The following GOLT1A variants were observed in gnomAD, a reference collection of about 807,000 sequenced individuals.
GOLT1A encodes golgi transport 1A.
GOLT1A carries 10 observed loss-of-function variants against 16.1 expected under a neutral mutation model. The ratio of observed to expected loss-of-function variants is 0.62; its 90% confidence interval spans 0.38 to 1.05. GOLT1A has a LOEUF of 1.05. GOLT1A is among the 50% of genes least tolerant of loss of function. The pLI is 0.01. For synonymous variants in GOLT1A, 60 were observed against 67.9 expected (o/e 0.88, Z 0.57); for missense variants, 137 against 165.7 (o/e 0.83, Z 0.95).
intron 1 of GOLT1A, among the ~76,000 whole-genome samples, chr1:204,203,759 G>A (rs957591915): frequency 1.3e-5 from 2 of 151,474 alleles, no homozygotes; most frequent in African/African-American, 2.4e-5. Flanking sequence ...CAGTTCTGCC[G>A]AGGTTGGACC....
At chr1:204,201,834 T>A in intron 2 of GOLT1A, 23 bp from the exon 3 acceptor site, 2 of 1,610,092 alleles carry the variant, frequency 1.2e-6, no homozygotes, top group African/African-American at 1.3e-5. Context: ...GAGGGGAGCA[T>A]GAAGCAAACC....
At position 204,210,454 on chromosome 1, in the gene GOLT1A, G is replaced by A. The variant is rs115115805; in HGVS notation, c.25+3428C>T. Among the ~76,000 whole-genome samples the A allele has an allele frequency of 4.1e-3, 628 of 152,246 alleles. 4 individuals are homozygous for A. The highest frequency in any genetic ancestry group is 6.6e-3 in the Non-Finnish European group (450 of 68,026). The stretch of plus-strand genomic sequence containing the variant: ...AATTTTGTCTTAAAGCTGGGATCTC[G>A]CTCTGTTGCCTAGGCTGGAGTGCAA... On this transcript the variant is annotated intron_variant, in intron 1 of 4. Transcript: ENST00000308302.
rs6689607 is a variant in GOLT1A, at chr1:204,202,968, G to A, written c.45C>T (p.Thr15=). The stretch of plus-strand genomic sequence containing the variant: ...AGAGGATGAAGAAGATGCCGAAACC[G>A]GTGATCCCCACACCAATCTCTGCAA... The part of the protein sequence containing the change: ...TEWQKIGVGI[T]GFGIFFILFG... Residue 15 remains threonine (T), a synonymous_variant, in exon 2 of 5, where the codon ACC becomes ACT. Transcript: ENST00000308302. 92,352 of 1,611,948 alleles carry A rather than the reference G, an allele frequency of 0.057. 3,900 individuals are homozygous for A. Among genetic ancestry groups the A allele is most frequent in the African/African-American group, 0.22 (16,367 of 74,770 alleles).
At chr1:204,203,674 C>T (rs893911642) in intron 1 of GOLT1A, among the ~76,000 whole-genome samples, 1 of 152,248 alleles carries the variant, frequency 6.6e-6, no homozygotes, top group Admixed American at 6.5e-5. Context: ...GTCCTCCCTC[C>T]CTCCTGCAGC....
chr1:204,208,437 C>T (rs1180993863), intron 1 of GOLT1A, among the ~76,000 whole-genome samples: 8 of 59,112 alleles, frequency 1.4e-4, no homozygotes, highest in East Asian at 3.1e-4. Context: ...TATATGTATA[C>T]ATATGTGTGT....
At chr1:204,211,748 C>A (rs769619056) in intron 1 of GOLT1A, among the ~76,000 whole-genome samples, 2 of 151,944 alleles carry the variant, frequency 1.3e-5, no homozygotes, top group African/African-American at 2.4e-5. Flanking sequence ...GGTGGGGAAG[C>A]GGGGTGCGGG....
intron 1 of GOLT1A, among the ~76,000 whole-genome samples, chr1:204,207,744 T>A (rs954126351): frequency 6.6e-6 from 1 of 152,202 alleles, no homozygotes; most frequent in African/African-American, 2.4e-5. Context: ...GCAAGTACAG[T>A]ACAAAGAATA....
chr1:204,209,121 T>C (rs920860094), intron 1 of GOLT1A, among the ~76,000 whole-genome samples: 4 of 152,218 alleles, frequency 2.6e-5, no homozygotes, highest in Non-Finnish European at 5.9e-5. Context: ...GGCCACTTAT[T>C]CTGTAGCCAT....
intron 1 of GOLT1A, among the ~76,000 whole-genome samples, chr1:204,208,390 A>G (rs12096780): frequency 1.6e-4 from 13 of 80,718 alleles, no homozygotes; most frequent in Non-Finnish European, 3.0e-4. Context: ...ATATACACAC[A>G]TATGTATACA....
intron 1 of GOLT1A, among the ~76,000 whole-genome samples, chr1:204,204,982 G>C (rs1659017859): frequency 6.6e-6 from 1 of 152,168 alleles, no homozygotes; most frequent in South Asian, 2.1e-4. Flanking sequence ...GAATTGTCTA[G>C]TTAAGTCCTT....
rs1366939138 is a variant in GOLT1A, at chr1:204,198,461, G to A, written c.396C>T (p.Val132=). Residue 132 remains valine, a synonymous_variant, in exon 5 of 5, where the codon GTC becomes GTT. Transcript: ENST00000308302. Reference sequence around the variant, plus strand: ...TCAAGGAGCTCATCTCTGTTTTTCAGACCATCGAGCTAGTGCCTTGAAGTC... The same window carrying A: ...TCAAGGAGCTCATCTCTGTTTTTCAAACCATCGAGCTAGTGCCTTGAAGTC... The part of the protein sequence containing the change: ...FRRLQGTSSM[V] 2 of 1,613,560 alleles carry A rather than the reference G, an allele frequency of 1.2e-6. No individual in the cohort carries two copies. The highest frequency in any genetic ancestry group is 1.1e-5 in the South Asian group (1 of 91,038).
intron 1 of GOLT1A, among the ~76,000 whole-genome samples, chr1:204,213,191 TC>T (rs1389888246): frequency 1.3e-5 from 2 of 152,194 alleles, no homozygotes; most frequent in Non-Finnish European, 2.9e-5. Flanking sequence ...GTCTCCCCTC[TC>T]TAGAATGTAA....
At chr1:204,203,040 A>G in intron 1 of GOLT1A, 53 bp from the exon 2 acceptor site, 3 of 1,435,244 alleles carry the variant, frequency 2.1e-6, no homozygotes, top group Admixed American at 1.7e-5. Context: ...GCAGGTGGGG[A>G]CCCTGAAACT....
chr1:204,203,284 C>T (rs887384619), intron 1 of GOLT1A, among the ~76,000 whole-genome samples: 21 of 152,176 alleles, frequency 1.4e-4, no homozygotes, highest in African/African-American at 4.8e-4. Context: ...TACTCTCAGC[C>T]TCCTCTTGTC....
intron 1 of GOLT1A, among the ~76,000 whole-genome samples, chr1:204,203,283 C>A (rs558401667): frequency 6.6e-6 from 1 of 152,178 alleles, no homozygotes; most frequent in Admixed American, 6.5e-5. Context: ...ATACTCTCAG[C>A]CTCCTCTTGT....
Position 204,201,689 on chromosome 1 carries a change from T to C in GOLT1A, c.240A>G (p.Leu80=). The C allele has an allele frequency of 6.2e-7, 1 of 1,614,076 alleles. No individual in the cohort carries two copies. The highest frequency in any genetic ancestry group is 2.2e-5 in the East Asian group (1 of 44,872). ...GGAACATGCCGAGGAGGGGCCAGCG[T>C]AGGAGCACGATAACCACACCCCCCA... is the stretch of plus-strand genomic sequence containing the variant. ...FLLGGVVIVL[L]RWPLLGMFLE... Residue 80 remains leucine (L), a synonymous_variant, in exon 3 of 5, where the codon CTA becomes CTG. Transcript: ENST00000308302.
At chr1:204,208,019 G>A (rs925358127) in intron 1 of GOLT1A, among the ~76,000 whole-genome samples, 8 of 152,148 alleles carry the variant, frequency 5.3e-5, no homozygotes, top group East Asian at 1.9e-4. Flanking sequence ...AAATGTTGGC[G>A]TGGATGTGGT....
At chr1:204,208,472 G>GTATATATATATATATA (rs1317319058) in intron 1 of GOLT1A, among the ~76,000 whole-genome samples, 1 of 28,850 alleles carries the variant, frequency 3.5e-5, no homozygotes, top group African/African-American at 9.4e-5. Flanking sequence ...GTGTGTGTGT[G>GTATATATATATATATA]TGTGTATATA....
At chr1:204,198,914 C>T (rs774074123) in intron 4 of GOLT1A, 1 of 510,170 alleles carries the variant, frequency 2.0e-6, no homozygotes, top group Non-Finnish European at 3.5e-6. Context: ...TCTGCGTCTT[C>T]ATTTCTTTGG....
Sources: gnomAD v4.1 joint callset for allele counts (sites outside exome capture counted in the v4.1 genomes callset) on GRCh38, gnomAD v4.1.1 for gene constraint, MANE v1.5 for transcripts, NCBI Gene and HGNC (gene_info 2026-07-23, HGNC 2026-07-21) for gene names.